AKAP9: variants seen among roughly 807,000 people sequenced by gnomAD.
The protein encoded by AKAP9 is A-kinase anchor protein 9.
AKAP9 carries 311 observed loss-of-function variants against 488.5 expected under a neutral mutation model. That is an observed-to-expected ratio of 0.64 (90% CI 0.58 to 0.70). The LOEUF is 0.70. Ranked by LOEUF, AKAP9 falls within the 30% of genes least tolerant of loss-of-function variation. The pLI, the probability that AKAP9 is intolerant of heterozygous loss-of-function variation, is 0.00. For synonymous variants in AKAP9, 1,462 were observed against 1,483.5 expected, an observed-to-expected ratio of 0.99 and a Z score of 0.33; for missense variants, 4,215 against 4,374.5, an observed-to-expected ratio of 0.96 and a Z score of 1.03.
intron 16 of AKAP9, among the ~76,000 whole-genome samples, chr7:92,034,922 G>A (rs760491334): frequency 1.7e-4 from 26 of 151,964 alleles, no homozygotes; most frequent in Non-Finnish European, 2.6e-4. Context: ...TCAGCTTTTT[G>A]TTTCATTGTT....
intron 21 of AKAP9, among the ~76,000 whole-genome samples, chr7:92,047,821 G>A (rs1336526010): frequency 1.3e-5 from 2 of 152,206 alleles, no homozygotes; most frequent in African/African-American, 2.4e-5. Context: ...GAATATTGTA[G>A]CAGAGATAAT....
intron 8 of AKAP9, among the ~76,000 whole-genome samples, chr7:92,004,501 C>G (rs10268641): frequency 0.021 from 3,153 of 152,072 alleles, 132 homozygotes; most frequent in African/African-American, 0.072. Flanking sequence ...GTTGAGCAGT[C>G]GTTTGTAGTT....
In AKAP9 at chr7:92,052,889, G is replaced by T; in HGVS notation, c.5532G>T (p.Leu1844=). The T allele has an allele frequency of 6.2e-7, 1 of 1,613,768 alleles. No individual in the cohort carries two copies. The highest frequency in any genetic ancestry group is 1.3e-5 in the African/African-American group (1 of 75,008). Reference sequence around the variant, plus strand: ...ACCCTGAAAATGAAGAACTTATGCTGAACATTAGCTCTCGACTACAAGCAG... The same window carrying T: ...ACCCTGAAAATGAAGAACTTATGCTTAACATTAGCTCTCGACTACAAGCAG... The part of the protein sequence containing the change: ...EIDPENEELM[L]NISSRLQAAV... The change falls in exon 22 of 50, where the codon CTG becomes CTT. Residue 1844 remains leucine (L), a synonymous_variant. Transcript: ENST00000356239.
chr7:92,086,833 C>T (rs1292702809), intron 37 of AKAP9, among the ~76,000 whole-genome samples: 3 of 152,152 alleles, frequency 2.0e-5, no homozygotes, highest in African/African-American at 7.2e-5. Context: ...TTTTAAGACA[C>T]CTTATTTACT....
chr7:92,031,599 GC>G lies in AKAP9; in HGVS notation c.4334del (p.Ala1445ValfsTer7). The G allele has an allele frequency of 6.2e-7, 1 of 1,600,084 alleles. No homozygotes were observed. Among genetic ancestry groups the G allele is most frequent in the Non-Finnish European group, 8.6e-7 (1 of 1,167,802 alleles). On this transcript the variant is annotated frameshift_variant, in exon 16 of 50. Transcript: ENST00000356239. LOFTEE classifies it high-confidence loss of function. ...CCAAGAACAATTAGAAGAAGAAGTA[GC>G]TAAGGTAGGCTTATAGCTTATCTGG... The part of the protein sequence containing the change: ...QYQEQLEEEV[A>X]KVIVSMSIAF...
In AKAP9 at chr7:92,040,663, T is replaced by TTC; in HGVS notation, c.4693-11_4693-10insTC. 6.7e-7 allele frequency: 1 copy of TTC among 1,485,850 alleles called. No individual in the cohort carries two copies. Among genetic ancestry groups the TTC allele is most frequent in the East Asian group, 2.3e-5 (1 of 42,900 alleles). The allele number at this position is 1,485,850 out of a possible 1,614,324, so 92.0% of individuals were successfully genotyped here. On this transcript the variant is annotated splice_polypyrimidine_tract_variant and intron_variant, in intron 17 of 49. Transcript: ENST00000356239. ...GTTGAATTGTTTTTTTTTTTTTTTT[T>TTC]ACTATTAAAGATTCATGATGAGATT...
intron 1 of AKAP9, among the ~76,000 whole-genome samples, chr7:91,951,764 A>T (rs926907461): frequency 9.2e-5 from 14 of 152,146 alleles, no homozygotes; most frequent in South Asian, 2.1e-4. Context: ...TATTCTATAT[A>T]CTCATAACCA....
At chr7:91,997,079 T>C (rs552324617) in intron 7 of AKAP9, among the ~76,000 whole-genome samples, 1 of 152,244 alleles carries the variant, frequency 6.6e-6, no homozygotes, top group Admixed American at 6.5e-5. Context: ...TTTTAAATAA[T>C]AGGGAATGTA....
chr7:92,043,444 C>T (rs1256706271), intron 20 of AKAP9: 2 of 638,120 alleles, frequency 3.1e-6, no homozygotes, highest in Non-Finnish European at 3.9e-6. Flanking sequence ...TTATTTATCT[C>T]TAATTGGTAA....
chr7:92,062,216 C>T (rs1809989000), intron 23 of AKAP9, 58 bp from the exon 24 acceptor site: 1 of 1,443,832 alleles, frequency 6.9e-7, no homozygotes, highest in African/African-American at 1.4e-5. Flanking sequence ...ATATTAAAAC[C>T]TAGTGGTTGA....
intron 7 of AKAP9, among the ~76,000 whole-genome samples, chr7:92,000,381 TA>T (rs1799004798): frequency 6.6e-6 from 1 of 152,202 alleles, no homozygotes; most frequent in Admixed American, 6.5e-5. Context: ...TCTTTTTCCA[TA>T]GCCCTTGCCC....
At chr7:92,041,066 C>A (rs1023065675) in intron 18 of AKAP9, 168 bp downstream of exon 18, 3 of 619,112 alleles carry the variant, frequency 4.8e-6, no homozygotes, top group African/African-American at 1.9e-5. Flanking sequence ...GGAACACACT[C>A]TATACTAAGA....
intron 18 of AKAP9, 175 bp downstream of exon 18, chr7:92,041,073 A>G: frequency 5.1e-6 from 3 of 586,382 alleles, no homozygotes; most frequent in Non-Finnish European, 6.0e-6. Context: ...ACTCTATACT[A>G]AGACAGCAGC....
chr7:92,003,142 A>G lies in AKAP9; in HGVS notation c.3225A>G (p.Leu1075=). ...SKQEQLILDH[L]PSVTKESSLR... ...AAGAACAGTTGATTTTGGATCACTTACCATCTGTAACAAAGGAATCATCAC... is the reference window on the plus strand; with the variant it reads ...AAGAACAGTTGATTTTGGATCACTTGCCATCTGTAACAAAGGAATCATCAC... Residue 1075 remains leucine (L), a synonymous_variant, in exon 8 of 50, where the codon TTA becomes TTG. Coordinates refer to ENST00000356239, the MANE Select transcript of AKAP9 (RefSeq NM_005751.5). 1 of 1,611,276 alleles carries G rather than the reference A, an allele frequency of 6.2e-7. No individual in the cohort carries two copies. Among genetic ancestry groups the G allele is most frequent in the Non-Finnish European group, 8.5e-7 (1 of 1,178,682 alleles).
At chr7:92,013,061 G>A (rs1335902524) in intron 9 of AKAP9, among the ~76,000 whole-genome samples, 2 of 136,446 alleles carry the variant, frequency 1.5e-5, no homozygotes, top group African/African-American at 2.8e-5. Context: ...GCGGGATCTC[G>A]GCTCACTGCA....
At chr7:91,962,585 T>A (rs1793854910) in intron 1 of AKAP9, among the ~76,000 whole-genome samples, 2 of 152,142 alleles carry the variant, frequency 1.3e-5, no homozygotes, top group Non-Finnish European at 2.9e-5. Context: ...GCTTTGTATA[T>A]ATAGCAGAGA....
chr7:92,032,249 C>T (rs557070546), intron 16 of AKAP9, among the ~76,000 whole-genome samples: 6 of 152,278 alleles, frequency 3.9e-5, no homozygotes, highest in South Asian at 2.1e-4. Context: ...GTAATCCCAC[C>T]GCTTTGGGAG....
chr7:92,070,835 A>T, intron 27 of AKAP9, 70 bp from the exon 28 acceptor site: 1 of 1,205,948 alleles, frequency 8.3e-7, no homozygotes, highest in Non-Finnish European at 1.2e-6. Context: ...AGCAGACCAA[A>T]AAACAAAAAA....
intron 2 of AKAP9, among the ~76,000 whole-genome samples, chr7:91,978,125 C>G (rs1795929812): frequency 6.6e-6 from 1 of 151,280 alleles, no homozygotes; most frequent in Admixed American, 6.6e-5. Flanking sequence ...GACTGTAATC[C>G]TAGCTACTCG....
Sources: gnomAD v4.1 joint callset for allele counts (sites outside exome capture counted in the v4.1 genomes callset) on GRCh38, gnomAD v4.1.1 for gene constraint, MANE v1.5 for transcripts, NCBI Gene and HGNC (gene_info 2026-07-23, HGNC 2026-07-21) for gene names.